RIOK3: variants seen among roughly 807,000 people sequenced by gnomAD.
RIOK3 encodes RIO kinase 3, also known as serine/threonine-protein kinase RIO3.
RIOK3 carries 40 observed loss-of-function variants against 63.5 expected under a neutral mutation model. The observed-to-expected ratio is 0.63, with a 90% CI of 0.49 to 0.82. The LOEUF (loss-of-function observed/expected upper bound fraction) is 0.82. Among genes scored for constraint, RIOK3 ranks in the 40% least tolerant of loss-of-function variants. The pLI, the probability that RIOK3 is intolerant of heterozygous loss-of-function variation, is 0.00. For synonymous variants in RIOK3, 193 were observed against 205.0 expected, an observed-to-expected ratio of 0.94 and a Z score of 0.50; for missense variants, 557 against 637.0, an observed-to-expected ratio of 0.87 and a Z score of 1.35.
intron 6 of RIOK3, among the ~76,000 whole-genome samples, chr18:23,466,532 C>CA (rs1391598910): frequency 2.7e-5 from 4 of 150,662 alleles, no homozygotes; most frequent in African/African-American, 9.8e-5. Flanking sequence ...CCCCAGCTCA[C>CA]AAAAAAAATT....
chr18:23,453,519 A>T lies in RIOK3; in HGVS notation c.63+17A>T. On this transcript the variant is annotated intron_variant, in intron 1 of 12. Coordinates refer to ENST00000339486, the MANE Select transcript of RIOK3 (RefSeq NM_003831.5). The stretch of plus-strand genomic sequence containing the variant: ...CCCAGCAAGGTAAGTGGCAGACGAG[A>T]CTGGAGTACTAGCCTTGGTCACACG... 1 of 1,598,484 alleles carries T rather than the reference A, an allele frequency of 6.3e-7. No homozygotes were observed. Among genetic ancestry groups the T allele is most frequent in the Non-Finnish European group, 8.6e-7 (1 of 1,166,046 alleles).
intron 11 of RIOK3, among the ~76,000 whole-genome samples, chr18:23,478,606 C>CATATATATATATATATAT (rs67305895): frequency 7.6e-6 from 1 of 130,896 alleles, no homozygotes; most frequent in Non-Finnish European, 1.6e-5. Context: ...AAAAACAAAA[C>CATATATATATATATATAT]ATATATATAT....
intron 9 of RIOK3, among the ~76,000 whole-genome samples, chr18:23,476,044 C>G (rs898945972): frequency 6.7e-6 from 1 of 149,572 alleles, no homozygotes; most frequent in Non-Finnish European, 1.5e-5. Context: ...GCCTCAGCAT[C>G]CCAAAGTGCT....
At chr18:23,473,264 A>G (rs1030060026) in intron 7 of RIOK3, among the ~76,000 whole-genome samples, 165 bp from the exon 8 acceptor site, 36 of 152,350 alleles carry the variant, frequency 2.4e-4, no homozygotes, top group Admixed American at 1.2e-3. Flanking sequence ...AAATCAAACC[A>G]AAACCTAAGG....
At chr18:23,479,003 C>A (rs2270885) in intron 11 of RIOK3, 41,649 of 248,164 alleles carry the variant, frequency 0.17, 5,210 homozygotes, top group East Asian at 0.34. Flanking sequence ...GCAGGAAAAT[C>A]GATGGTTGAG....
At chr18:23,459,219 G>A (rs577234496) in intron 1 of RIOK3, among the ~76,000 whole-genome samples, 2 of 152,292 alleles carry the variant, frequency 1.3e-5, no homozygotes, top group South Asian at 2.1e-4. Context: ...TTGACAGATG[G>A]CAAAGGAGTT....
intron 6 of RIOK3, among the ~76,000 whole-genome samples, chr18:23,466,679 G>C (rs1341169523): frequency 2.4e-5 from 3 of 124,306 alleles, no homozygotes; most frequent in Non-Finnish European, 4.9e-5. Context: ...GACAGATTGA[G>C]ACCCTGCCTT....
chr18:23,455,026 CCTTTCCTTTCTTTCCTTCCTTTCTTTT>C lies in RIOK3; in HGVS notation c.63+1542_63+1568del, dbSNP rs1555754666. ...CTTCCTTCCTTCCTTTCCTTCCTTT[CCTTTCCTTTCTTTCCTTCCTTTCTTTT>C]CTTTCCTTTCTTTCCTTTTCATTTA... On this transcript the variant is annotated intron_variant, in intron 1 of 12. Transcript: ENST00000339486. Among the ~76,000 whole-genome samples, 5 of 151,952 alleles carry C rather than the reference CCTTTCCTTTCTTTCCTTCCTTTCTTTT, an allele frequency of 3.3e-5. No homozygotes were observed. In the South Asian group the frequency reaches 8.3e-4, roughly 25 times the overall value.
chr18:23,480,570 CACACACACACACACACACACAT>C (rs2057525547), intron 12 of RIOK3, among the ~76,000 whole-genome samples: 1 of 151,058 alleles, frequency 6.6e-6, no homozygotes, highest in Non-Finnish European at 1.5e-5. Context: ...CACACACACA[CACACACACACACACACACACAT>C]AGTAATTTCA....
chr18:23,470,242 T>A (rs1347320265), intron 7 of RIOK3, among the ~76,000 whole-genome samples: 2 of 152,084 alleles, frequency 1.3e-5, no homozygotes, highest in Non-Finnish European at 2.9e-5. Context: ...GGCGGGCATC[T>A]GTACTCCCAG....
At position 23,474,956 on chromosome 18, in the gene RIOK3, G is replaced by T; in HGVS notation, c.1022G>T (p.Arg341Ile). The change falls in exon 9 of 13, where the codon AGA (arginine) becomes ATA (isoleucine). Residue 341 changes from arginine to isoleucine, a missense_variant. Coordinates refer to ENST00000339486, the MANE Select transcript of RIOK3 (RefSeq NM_003831.5). Reference sequence around the variant, plus strand: ...CATTTCTTTATGTATAGAATGCAGAGAGCTGGAATTCCTTGTCCAACAGTT... The same window carrying T: ...CATTTCTTTATGTATAGAATGCAGATAGCTGGAATTCCTTGTCCAACAGTT... ...KEMHNLARMQ[R>I]AGIPCPTVVL... 6.2e-7 allele frequency: 1 copy of T among 1,607,518 alleles called. No homozygotes were observed. Among genetic ancestry groups the T allele is most frequent in the Non-Finnish European group, 8.5e-7 (1 of 1,174,700 alleles).
rs1307974558 is a variant in RIOK3, at chr18:23,477,231, T to C, written c.1307T>C (p.Leu436Pro). 6.2e-7 allele frequency: 1 copy of C among 1,614,196 alleles called. No individual in the cohort carries two copies. The highest frequency in any genetic ancestry group is 8.5e-7 in the Non-Finnish European group (1 of 1,180,002). ...QSVEPTHPHG[L>P]EFLFRDCRNV... is the part of the protein sequence containing the mutation. ...GTAGAACCTACCCACCCTCACGGCC[T>C]GGAGTTCTTGTTCCGGGACTGCAGG... The change falls in exon 11 of 13, where the codon CTG becomes CCG. Residue 436 changes from leucine to proline, a missense_variant. Around this residue, in one of 3 missense-constraint regions of RIOK3, gnomAD observed 309 missense variants for 338.7 expected, o/e 0.91. Transcript: ENST00000339486.
intron 1 of RIOK3, among the ~76,000 whole-genome samples, chr18:23,455,673 C>A (rs1055758808): frequency 9.2e-5 from 14 of 151,912 alleles, no homozygotes; most frequent in African/African-American, 3.1e-4. Flanking sequence ...GAGACAGGGT[C>A]TCACTCTGTC....
rs755806830 is a variant in RIOK3, at chr18:23,464,081, TGAA to T, written c.298_300del (p.Glu100del). On this transcript the variant is annotated inframe_deletion, in exon 3 of 13. Coordinates refer to ENST00000339486, the MANE Select transcript of RIOK3 (RefSeq NM_003831.5). ...GAGAATATGATGCACAGCTTAGGCG[TGAA>T]GAAAAAAAATTCAATGGAGATAGCA... The T allele has an allele frequency of 5.0e-6, 8 of 1,611,358 alleles. No individual in the cohort carries two copies. The highest frequency in any genetic ancestry group is 5.9e-6 in the Non-Finnish European group (7 of 1,179,152).
At chr18:23,455,552 C>T (rs1221388550) in intron 1 of RIOK3, among the ~76,000 whole-genome samples, 1 of 151,684 alleles carries the variant, frequency 6.6e-6, no homozygotes, top group South Asian at 2.1e-4. Context: ...CCACCACACC[C>T]GGCTAATTTT....
intron 1 of RIOK3, chr18:23,456,617 G>C (rs1257045259): frequency 6.6e-6 from 1 of 152,032 alleles, no homozygotes. Flanking sequence ...GGTCTGGAAC[G>C]TGTGGCCTCA....
At chr18:23,463,362 A>ATATGTATC (rs1468128918) in intron 2 of RIOK3, 24 of 233,996 alleles carry the variant, frequency 1.0e-4, no homozygotes, top group Non-Finnish European at 1.6e-5. Context: ...CTTTTCATGA[A>ATATGTATC]TATGTATCTA....
chr18:23,453,644 C>A, intron 1 of RIOK3, 142 bp downstream of exon 1: 2 of 719,526 alleles, frequency 2.8e-6, no homozygotes, highest in East Asian at 5.2e-5. Context: ...GCACTGGCCG[C>A]GGGGGTGCCG....
At chr18:23,466,021 T>A (rs1230806287) in intron 5 of RIOK3, 112 bp from the exon 6 acceptor site, 2 of 697,602 alleles carry the variant, frequency 2.9e-6, no homozygotes, top group African/African-American at 1.8e-5. Context: ...TCTGGTTTTC[T>A]AGTGTGATCA....
Sources: allele counts gnomAD v4.1 joint callset (sites outside exome capture counted in the v4.1 genomes callset), GRCh38; gene constraint gnomAD v4.1.1; regional missense constraint gnomAD v4.1.1; transcripts MANE v1.5; gene names NCBI Gene and HGNC (gene_info 2026-07-23, HGNC 2026-07-21).